The following PLEKHG1 variants were observed in gnomAD, a reference collection of about 807,000 sequenced individuals.
PLEKHG1 encodes the protein pleckstrin homology and RhoGEF domain containing G1, also known as pleckstrin homology domain-containing family G member 1.
In PLEKHG1, 44 loss-of-function variants were observed where a neutral mutation model predicts 100.8. The ratio of observed to expected loss-of-function variants is 0.44; its 90% CI spans 0.34 to 0.56. The LOEUF is 0.56. PLEKHG1 is among the 20% of genes least tolerant of loss of function. The pLI is 0.01. For synonymous variants in PLEKHG1, 640 were observed against 662.5 expected (o/e 0.97, Z 0.52); for missense variants, 1,545 against 1,720.9 (o/e 0.90, Z 1.81).
At chr6:150,779,115 GT>G (rs1785153017) in intron 3 of PLEKHG1, among the ~76,000 whole-genome samples, 1 of 152,078 alleles carries the variant, frequency 6.6e-6, no homozygotes, top group Admixed American at 6.5e-5. Flanking sequence ...ATAAGCCATG[GT>G]TTCCTCACCT....
intron 3 of PLEKHG1, among the ~76,000 whole-genome samples, chr6:150,710,889 C>T (rs920192652): frequency 2.0e-5 from 3 of 152,136 alleles, no homozygotes; most frequent in African/African-American, 7.2e-5. Context: ...CAAACTAGGC[C>T]TGGTCCCCTT....
At chr6:150,675,971 A>C (rs1779745894) in intron 3 of PLEKHG1, among the ~76,000 whole-genome samples, 1 of 152,178 alleles carries the variant, frequency 6.6e-6, no homozygotes. Flanking sequence ...GATATAATTC[A>C]AAAGAAAAAA....
chr6:150,764,549 G>A (rs1784359965), intron 2 of PLEKHG1, among the ~76,000 whole-genome samples: 1 of 152,174 alleles, frequency 6.6e-6, no homozygotes, highest in Non-Finnish European at 1.5e-5. Flanking sequence ...TAGCAGTGCA[G>A]CCCCACCCTC....
chr6:150,800,866 G>C lies in PLEKHG1; in HGVS notation c.777G>C (p.Leu259=), dbSNP rs199845313. ...GGATTCTCAAGTATCATCTCCTTCT[G>C]CATGTAAGTTTCTGCCTGGCATGAG... Residue 259 remains leucine (L), a synonymous_variant, in exon 6 of 16, where the codon CTG becomes CTC. Coordinates refer to ENST00000358517, the Ensembl canonical transcript of PLEKHG1. 18 of 1,613,708 alleles carry C rather than the reference G, an allele frequency of 1.1e-5. No individual in the cohort carries two copies. In the East Asian group the frequency reaches 3.1e-4, roughly 28 times the overall value.
chr6:150,818,304 G>A (rs1428673526), intron 11 of PLEKHG1, 88 bp downstream of exon 12: 13 of 1,019,956 alleles, frequency 1.3e-5, no homozygotes, highest in Admixed American at 3.6e-5. Flanking sequence ...TGAAAATGTC[G>A]ATTGTTAGAA....
intron 2 of PLEKHG1, among the ~76,000 whole-genome samples, chr6:150,643,941 T>C (rs1438561318): frequency 6.6e-6 from 1 of 152,000 alleles, no homozygotes; most frequent in Non-Finnish European, 1.5e-5. Flanking sequence ...TTTGCAAATA[T>C]CAAATTAGAA....
At chr6:150,837,586 G>A (rs1777296682) in intron 15 of PLEKHG1, among the ~76,000 whole-genome samples, 2 of 152,348 alleles carry the variant, frequency 1.3e-5, no homozygotes, top group African/African-American at 2.4e-5. Flanking sequence ...TTGGAACCTT[G>A]TAGAAGTTCA....
At chr6:150,637,795 T>G (rs1778072999) in intron 1 of PLEKHG1, among the ~76,000 whole-genome samples, 1 of 152,224 alleles carries the variant, frequency 6.6e-6, no homozygotes, top group African/African-American at 2.4e-5. Flanking sequence ...AGCTTTACTA[T>G]CTGAAGTCTT....
At chr6:150,776,651 G>A (rs1373805249) in intron 3 of PLEKHG1, among the ~76,000 whole-genome samples, 1 of 134,234 alleles carries the variant, frequency 7.4e-6, no homozygotes, top group Non-Finnish European at 1.5e-5. Flanking sequence ...TGCAATCCTG[G>A]TGCACGTGTG....
intron 2 of PLEKHG1, among the ~76,000 whole-genome samples, chr6:150,759,412 C>G (rs1195024487): frequency 6.6e-6 from 1 of 152,142 alleles, no homozygotes; most frequent in Non-Finnish European, 1.5e-5. Flanking sequence ...TTACCTTTAA[C>G]TCTCAAAATT....
chr6:150,740,391 T>TACTAAA (rs1782788330), intron 2 of PLEKHG1, among the ~76,000 whole-genome samples: 2 of 152,334 alleles, frequency 1.3e-5, no homozygotes, highest in African/African-American at 4.8e-5. Flanking sequence ...CTTACCTGCT[T>TACTAAA]AGGATGCTGG....
At chr6:150,777,841 C>G (rs1181764592) in intron 3 of PLEKHG1, among the ~76,000 whole-genome samples, 1 of 152,282 alleles carries the variant, frequency 6.6e-6, no homozygotes, top group Non-Finnish European at 1.5e-5. Context: ...TGTGCTGTTG[C>G]ACGTTAGTTA....
chr6:150,641,834 C>G (rs1462935006), intron 2 of PLEKHG1, among the ~76,000 whole-genome samples: 1 of 118,134 alleles, frequency 8.5e-6, no homozygotes, highest in African/African-American at 3.2e-5. Flanking sequence ...TTTTAAAAAA[C>G]CAATATGTCA....
chr6:150,698,124 G>C (rs1485438423), intron 3 of PLEKHG1, among the ~76,000 whole-genome samples: 2 of 152,182 alleles, frequency 1.3e-5, no homozygotes, highest in Non-Finnish European at 2.9e-5. Flanking sequence ...ATATTTGGGG[G>C]ATGGGACCCA....
At chr6:150,645,857 A>G (rs1462166028) in intron 2 of PLEKHG1, among the ~76,000 whole-genome samples, 1 of 152,218 alleles carries the variant, frequency 6.6e-6, no homozygotes, top group Non-Finnish European at 1.5e-5. Context: ...CATGTGTATG[A>G]TGAACAGCCT....
At chr6:150,649,179 C>T (rs1562408318) in intron 2 of PLEKHG1, among the ~76,000 whole-genome samples, 1 of 152,114 alleles carries the variant, frequency 6.6e-6, no homozygotes, top group Non-Finnish European at 1.5e-5. Context: ...GTTTTTACTC[C>T]TCCTATGCAG....
rs9397358 is a variant in PLEKHG1, at chr6:150,780,571, A to G, written c.513-5819A>G. On this transcript the variant is annotated intron_variant, in intron 3 of 15. Transcript: ENST00000358517. ...GCATTTACCCCGAGATAACTTTACC[A>G]TGACATATCTCACTTTTATTATTAT... Among the ~76,000 whole-genome samples the G allele has an allele frequency of 2.5e-3, 380 of 152,294 alleles. 13 individuals are homozygous for G. The East Asian group carries it at 0.058, about 23-fold the overall frequency.
intron 2 of PLEKHG1, among the ~76,000 whole-genome samples, chr6:150,649,015 T>G (rs1778606882): frequency 6.6e-6 from 1 of 152,004 alleles, no homozygotes; most frequent in Admixed American, 6.6e-5. Context: ...ATGAACCACC[T>G]ACTTGTTTTT....
intron 7 of PLEKHG1, among the ~76,000 whole-genome samples, chr6:150,805,014 C>T (rs1180966231): frequency 6.6e-6 from 1 of 151,938 alleles, no homozygotes; most frequent in Non-Finnish European, 1.5e-5. Flanking sequence ...CCACTCACCA[C>T]AACCTCTGCC....
Sources: allele counts gnomAD v4.1 joint callset (sites outside exome capture counted in the v4.1 genomes callset), GRCh38; gene constraint gnomAD v4.1.1; transcripts MANE v1.5; gene names NCBI Gene and HGNC (gene_info 2026-07-23, HGNC 2026-07-21).